PPP1R1C: variants seen among roughly 807,000 people sequenced by gnomAD.
The protein encoded by PPP1R1C is protein phosphatase 1 regulatory inhibitor subunit 1C.
A neutral mutation model predicts 17.4 loss-of-function variants in PPP1R1C; 15 were observed. That is an observed-to-expected ratio of 0.86 (90% CI 0.58 to 1.33). The LOEUF (loss-of-function observed/expected upper bound fraction) is 1.33, where lower values mean the gene tolerates loss of function less well. Among genes scored for constraint, PPP1R1C ranks in the 40% most tolerant of loss-of-function variants. The pLI, the probability that PPP1R1C is intolerant of heterozygous loss-of-function variation, is 0.00. For missense variants in PPP1R1C, 143 were observed against 130.0 expected (o/e 1.10, Z -0.48); for synonymous variants, 35 against 43.1 (o/e 0.81, Z 0.73).
intron 4 of PPP1R1C, among the ~76,000 whole-genome samples, chr2:182,068,070 A>T (rs947023845): frequency 6.6e-6 from 1 of 152,120 alleles, no homozygotes; most frequent in Admixed American, 6.6e-5. Flanking sequence ...GACAGTCTTT[A>T]TCTCAGCCAT....
At chr2:182,086,465 G>A (rs1302362695) in intron 4 of PPP1R1C, among the ~76,000 whole-genome samples, 1 of 152,020 alleles carries the variant, frequency 6.6e-6, no homozygotes, top group African/African-American at 2.4e-5. Context: ...ACTTTTTCAA[G>A]AAACAGAAAA....
upstream of PPP1R1C, among the ~76,000 whole-genome samples, chr2:181,983,926 T>C (rs1685240249): frequency 6.6e-6 from 1 of 152,186 alleles, no homozygotes; most frequent in Non-Finnish European, 1.5e-5. Flanking sequence ...TTAAAGGGTC[T>C]AGATAGCCCA....
intron 2 of PPP1R1C, among the ~76,000 whole-genome samples, chr2:182,019,672 T>G (rs1184275567): frequency 3.3e-5 from 5 of 152,174 alleles, no homozygotes; most frequent in Non-Finnish European, 7.4e-5. Flanking sequence ...GTAATGAGCC[T>G]GATACCATAT....
At chr2:182,080,091 A>C (rs142626889) in intron 4 of PPP1R1C, among the ~76,000 whole-genome samples, 63 of 152,348 alleles carry the variant, frequency 4.1e-4, no homozygotes, top group African/African-American at 1.5e-3. Context: ...TGAGGATTAA[A>C]TAGGTTGCTA....
rs1574352684 is a variant in PPP1R1C, at chr2:181,985,956, C to T, written c.-155C>T. ...TTGAAGAAGGGGGTTACTCAAACCT[C>T]GGCATCTTCACTTGCTCGATCTGGA... On this transcript the variant is annotated 5_prime_UTR_variant, in exon 1 of 5. Coordinates refer to ENST00000682840, the MANE Select transcript of PPP1R1C (RefSeq NM_001080545.3). This position sits in a 1 kb window ranked among gnomAD's most constrained non-coding sequence, Gnocchi z 4.1. 7 of 650,922 alleles carry T rather than the reference C, an allele frequency of 1.1e-5. No individual in the cohort carries two copies. Among genetic ancestry groups the T allele is most frequent in the South Asian group, 1.8e-5 (1 of 54,462 alleles). 40.3% of individuals were successfully genotyped at this position (650,922 alleles called of 1,614,324 possible).
intron 2 of PPP1R1C, among the ~76,000 whole-genome samples, chr2:182,057,987 G>A (rs1182959680): frequency 2.6e-5 from 4 of 152,034 alleles, no homozygotes; most frequent in Non-Finnish European, 5.9e-5. Context: ...GGCACATTGA[G>A]TCCCATGGAG....
In PPP1R1C at chr2:182,129,051, A is replaced by G. The variant is rs1450066640; in HGVS notation, c.*84A>G. ...TACTCGAGCTTGGAAAAATCCCAACACAAAACAAACACCACCTCCGATTCC... is the reference window on the plus strand; with the variant it reads ...TACTCGAGCTTGGAAAAATCCCAACGCAAAACAAACACCACCTCCGATTCC... On this transcript the variant is annotated 3_prime_UTR_variant, in exon 6 of 6. Coordinates refer to the PPP1R1C transcript ENST00000280295. The G allele has an allele frequency of 2.0e-5, 3 of 152,106 alleles. 1 individual carries two copies. In the East Asian group the frequency reaches 5.8e-4, roughly 29 times the overall value. The allele number at this position is 152,106 out of a possible 1,614,324, so 9.4% of individuals were successfully genotyped here.
intron 4 of PPP1R1C, among the ~76,000 whole-genome samples, chr2:182,112,567 A>T (rs1161611687): frequency 1.3e-5 from 2 of 152,176 alleles, no homozygotes; most frequent in Non-Finnish European, 2.9e-5. Context: ...AAGAGCCCCC[A>T]ATAGGAGTTA....
intron 1 of PPP1R1C, among the ~76,000 whole-genome samples, chr2:181,970,585 T>C (rs1684989006): frequency 6.6e-6 from 1 of 152,136 alleles, no homozygotes; most frequent in African/African-American, 2.4e-5. Context: ...CTATCACCTA[T>C]GTTTGCTCAA....
chr2:181,983,226 TA>T (rs1685225304), upstream of PPP1R1C, among the ~76,000 whole-genome samples: 1 of 152,210 alleles, frequency 6.6e-6, no homozygotes, highest in South Asian at 2.1e-4. Flanking sequence ...CTGTTGTGAT[TA>T]AAAGCCCAAG....
intron 2 of PPP1R1C, among the ~76,000 whole-genome samples, chr2:182,007,307 G>A (rs1339467696): frequency 6.6e-6 from 1 of 152,014 alleles, no homozygotes; most frequent in African/African-American, 2.4e-5. Flanking sequence ...ATCATTCTGT[G>A]GTTGTATATT....
chr2:182,014,614 G>A (rs1460802811), intron 2 of PPP1R1C, among the ~76,000 whole-genome samples: 1 of 151,876 alleles, frequency 6.6e-6, no homozygotes, highest in Non-Finnish European at 1.5e-5. Context: ...CCAGGCTGAT[G>A]TCCTTCCCTT....
intron 2 of PPP1R1C, among the ~76,000 whole-genome samples, chr2:182,009,106 C>T (rs1279023339): frequency 6.6e-6 from 1 of 152,108 alleles, no homozygotes; most frequent in Non-Finnish European, 1.5e-5. Context: ...GTACAGATAT[C>T]TCTTCAATAC....
chr2:182,060,801 G>C (rs750019073), intron 2 of PPP1R1C, among the ~76,000 whole-genome samples: 1 of 152,040 alleles, frequency 6.6e-6, no homozygotes, highest in Non-Finnish European at 1.5e-5. Context: ...TGTAGGTGAC[G>C]AGGTAAAAAA....
intron 2 of PPP1R1C, among the ~76,000 whole-genome samples, chr2:182,057,884 T>C (rs1388365889): frequency 6.6e-6 from 1 of 152,154 alleles, no homozygotes; most frequent in Non-Finnish European, 1.5e-5. Context: ...AGGGTGATTT[T>C]ATTTGGATTT....
chr2:181,997,031 C>T (rs1309056244), intron 2 of PPP1R1C, among the ~76,000 whole-genome samples: 2 of 152,092 alleles, frequency 1.3e-5, no homozygotes, highest in African/African-American at 4.8e-5. Flanking sequence ...AGATCGAGAC[C>T]ATCCTGGCTA....
chr2:182,106,275 T>C (rs1353836555), intron 4 of PPP1R1C, among the ~76,000 whole-genome samples: 2 of 152,140 alleles, frequency 1.3e-5, no homozygotes, highest in East Asian at 3.9e-4. Flanking sequence ...TGTTGCATTT[T>C]CCAAGACCAC....
Position 181,962,429 on chromosome 2 carries a change from C to G in PPP1R1C, n.111+7795C>G. On this transcript the variant is annotated intron_variant and non_coding_transcript_variant, in intron 1 of 5. Transcript: ENST00000464264. This position sits in a 1 kb window ranked among gnomAD's most constrained non-coding sequence, Gnocchi z 6.0. ...GCCGTAGTTGGACACCTGGACAGAG[C>G]CCAGGAACAGGTAGTTGGTGGAGAA... 1.4e-6 allele frequency: 1 copy of G among 711,062 alleles called. No homozygotes were observed. The highest frequency in any genetic ancestry group is 2.6e-6 in the Non-Finnish European group (1 of 385,982). 44.0% of individuals were successfully genotyped at this position (711,062 alleles called of 1,614,324 possible).
chr2:182,038,776 C>T, intron 2 of PPP1R1C, among the ~76,000 whole-genome samples: 1 of 152,212 alleles, frequency 6.6e-6, no homozygotes, highest in Non-Finnish European at 1.5e-5. Flanking sequence ...AGCTATGACA[C>T]ACCCTCATCA....
Sources: allele counts gnomAD v4.1 joint callset (sites outside exome capture counted in the v4.1 genomes callset), GRCh38; gene constraint gnomAD v4.1.1; non-coding constraint Gnocchi (gnomAD v3.1); transcripts MANE v1.5; gene names NCBI Gene and HGNC (gene_info 2026-07-23, HGNC 2026-07-21).